Variants in MBNL3 observed in about 807,000 individuals in gnomAD.
The protein encoded by MBNL3 is muscleblind like splicing regulator 3.
A neutral mutation model predicts 24.5 loss-of-function variants in MBNL3; 6 were observed. That is an observed-to-expected ratio of 0.25 (90% CI 0.13 to 0.48). MBNL3 has a LOEUF of 0.48. Ranked by LOEUF, MBNL3 falls within the 20% of genes least tolerant of loss-of-function variation. The pLI, the probability that MBNL3 is intolerant of heterozygous loss-of-function variation, is 0.99. For synonymous variants in MBNL3, 100 were observed against 101.7 expected, an observed-to-expected ratio of 0.98 and a Z score of 0.10; for missense variants, 230 against 293.5, an observed-to-expected ratio of 0.78 and a Z score of 1.58.
chrX:132,450,361 C>A (rs1203031255), intron 1 of MBNL3, among the ~76,000 whole-genome samples: 1 of 111,293 alleles, frequency 9.0e-6, no homozygotes, highest in Non-Finnish European at 1.9e-5. Context: ...TTTGTTCGTT[C>A]CTTTTTATTC....
intron 1 of MBNL3, among the ~76,000 whole-genome samples, chrX:132,468,519 G>A (rs1347415796): frequency 8.9e-6 from 1 of 112,540 alleles, no homozygotes; most frequent in East Asian, 2.8e-4. Flanking sequence ...CAGTTGAATT[G>A]AAAATATAAC....
chrX:132,460,806 C>T (rs1211002921), intron 1 of MBNL3, among the ~76,000 whole-genome samples: 1 of 110,854 alleles, frequency 9.0e-6, no homozygotes, highest in Non-Finnish European at 1.9e-5. Context: ...GCACCCATTA[C>T]CCGAGAAGTG....
Position 132,379,257 on chromosome X carries a change from G to A in MBNL3, c.*409C>T, listed in dbSNP as rs1934436815. 7.5e-6 allele frequency: 1 copy of A among 133,397 alleles called. No homozygotes were observed. The highest frequency in any genetic ancestry group is 1.5e-5 in the Non-Finnish European group (1 of 68,295). The allele number at this position is 133,397 out of a possible 1,213,427, so 11.0% of individuals were successfully genotyped here. On this transcript the variant is annotated 3_prime_UTR_variant, in exon 9 of 9. Transcript: ENST00000370853. ...CTGAATCAACCCAATAGACTATCTT[G>A]TAAACAAAATAGTAAGGTAACACTT...
intron 3 of MBNL3, among the ~76,000 whole-genome samples, chrX:132,397,772 C>T (rs1384051708): frequency 9.0e-6 from 1 of 111,073 alleles, no homozygotes; most frequent in Non-Finnish European, 1.9e-5. Context: ...CATCAGACTT[C>T]ACTTTCACAC....
rs1263857907 is a variant in MBNL3 at position 132,372,412 on chromosome X, G to A, written c.*7254C>T. ...TTTTTAATTTAAATCATTGTAATTT[G>A]GGAGCATGGGGACAAATGGCTCATT... On this transcript the variant is annotated 3_prime_UTR_variant, in exon 9 of 9. Transcript: ENST00000370853. The A allele has an allele frequency of 9.2e-6, 1 of 108,359 alleles. No individual in the cohort carries two copies. The highest frequency in any genetic ancestry group is 1.0e-4 in the Admixed American group (1 of 9,978). 8.9% of individuals were successfully genotyped at this position (108,359 alleles called of 1,213,427 possible). A position where few individuals can be genotyped will look rare whatever the true frequency, so the allele number is the denominator to read the frequency against.
intron 2 of MBNL3, chrX:132,432,560 C>G (rs980491679): frequency 9.0e-6 from 1 of 111,504 alleles, no homozygotes; most frequent in Non-Finnish European, 1.9e-5. Context: ...TTTGCCAACT[C>G]TTGATGTTTC....
At chrX:132,406,733 C>T (rs890548415) in intron 2 of MBNL3, among the ~76,000 whole-genome samples, 3 of 111,808 alleles carry the variant, frequency 2.7e-5, no homozygotes, top group Non-Finnish European at 5.6e-5. Flanking sequence ...ATCAAACATG[C>T]TTTTGGTGTC....
intron 2 of MBNL3, among the ~76,000 whole-genome samples, chrX:132,416,259 T>C (rs1435780594): frequency 1.8e-5 from 2 of 111,931 alleles, no homozygotes; most frequent in Non-Finnish European, 3.8e-5. Flanking sequence ...ACAGCATGAT[T>C]GGAAGTGGAG....
intron 2 of MBNL3, among the ~76,000 whole-genome samples, chrX:132,428,051 T>A (rs1157638045): frequency 1.8e-5 from 2 of 111,153 alleles, no homozygotes; most frequent in African/African-American, 3.3e-5. Context: ...TTAAAAAAAA[T>A]TTGAGCTTCA....
chrX:132,400,250 C>T (rs998189254), intron 3 of MBNL3, among the ~76,000 whole-genome samples: 1 of 111,515 alleles, frequency 9.0e-6, no homozygotes, highest in Non-Finnish European at 1.9e-5. Flanking sequence ...AAGAAGATAT[C>T]ATGTACAAGT....
intron 1 of MBNL3, among the ~76,000 whole-genome samples, chrX:132,463,484 G>T (rs919172354): frequency 2.7e-5 from 3 of 111,287 alleles, no homozygotes; most frequent in Admixed American, 9.5e-5. Flanking sequence ...CAAACAAAAG[G>T]AATATTTACA....
At chrX:132,386,633 G>T in intron 6 of MBNL3, 28 bp downstream of exon 6, 2 of 1,205,950 alleles carry the variant, frequency 1.7e-6, no homozygotes, top group Admixed American at 2.2e-5. Context: ...CACCAAACTC[G>T]CTGCAGTGCC....
chrX:132,455,611 G>A (rs1022116603), intron 1 of MBNL3, among the ~76,000 whole-genome samples: 1 of 111,830 alleles, frequency 8.9e-6, no homozygotes, highest in Admixed American at 9.5e-5. Context: ...AAGAGCTCAC[G>A]CTGTAATTTC....
At chrX:132,489,759 GCCGCCCGGCCCCGCC>G (rs1257532824), upstream of MBNL3, 2 of 108,118 alleles carry the variant, frequency 1.8e-5, no homozygotes, top group Non-Finnish European at 3.9e-5. Flanking sequence ...GGCGCACGCG[GCCGCCCGGCCCCGCC>G]CCGCCCGGCC....
intron 1 of MBNL3, among the ~76,000 whole-genome samples, chrX:132,446,907 T>C (rs771774001): frequency 8.9e-6 from 1 of 111,963 alleles, no homozygotes; most frequent in South Asian, 3.7e-4. Context: ...CTTTAATCCA[T>C]CTTGAGTTAT....
At chrX:132,434,175 C>A (rs1410652596) in intron 2 of MBNL3, among the ~76,000 whole-genome samples, 1 of 112,449 alleles carries the variant, frequency 8.9e-6, no homozygotes, top group East Asian at 2.8e-4. Context: ...GGACAGCTGT[C>A]ACACTCTGCA....
In MBNL3 at chrX:132,445,665, A is replaced by G. The variant is rs889150663; in HGVS notation, c.-703-5351T>C. ...CATAAAAGGAAAAAATAGGTGCAACAGTGTCTCTTTTGAAAATCACTTTAG... is the reference window on the plus strand; with the variant it reads ...CATAAAAGGAAAAAATAGGTGCAACGGTGTCTCTTTTGAAAATCACTTTAG... On this transcript the variant is annotated intron_variant, in intron 1 of 8. Coordinates refer to ENST00000370853, the MANE Select transcript of MBNL3 (RefSeq NM_001386889.1). Among the ~76,000 whole-genome samples the G allele has an allele frequency of 9.8e-5, 11 of 111,681 alleles. 1 individual carries two copies. The highest frequency in any genetic ancestry group is 6.6e-4 in the Admixed American group (7 of 10,529).
chrX:132,413,612 T>G (rs767945257), intron 2 of MBNL3: 4 of 1,093,094 alleles, frequency 3.7e-6, no homozygotes, highest in Non-Finnish European at 4.8e-6. Flanking sequence ...TTTAAGGAAG[T>G]TGACTGTTGG....
At chrX:132,406,971 T>G (rs1421010081) in intron 2 of MBNL3, among the ~76,000 whole-genome samples, 1 of 111,971 alleles carries the variant, frequency 8.9e-6, no homozygotes, top group Admixed American at 9.5e-5. Context: ...GATGCTAAGA[T>G]TCTTTACAGT....
Sources: allele counts gnomAD v4.1 joint callset (sites outside exome capture counted in the v4.1 genomes callset), GRCh38; gene constraint gnomAD v4.1.1; transcripts MANE v1.5; gene names NCBI Gene and HGNC (gene_info 2026-07-23, HGNC 2026-07-21).